ERC2: variants seen among roughly 807,000 people sequenced by gnomAD.
ERC2 encodes ELKS/RAB6-interacting/CAST family member 2.
In ERC2, 42 loss-of-function variants were observed where a neutral mutation model predicts 114.8. The ratio of observed to expected loss-of-function variants is 0.37; its 90% CI spans 0.29 to 0.47. ERC2 has a LOEUF of 0.47. Ranked by LOEUF, ERC2 falls within the 20% of genes least tolerant of loss-of-function variation. The probability of loss-of-function intolerance (pLI) is 0.99; values close to 1 mark genes in which losing one functional copy is unlikely to be tolerated. For missense variants in ERC2, 939 were observed against 1,150.7 expected (o/e 0.82, Z 2.66); for synonymous variants, 454 against 425.5 (o/e 1.07, Z -0.82).
At chr3:56,219,043 G>A (rs925400634) in intron 3 of ERC2, among the ~76,000 whole-genome samples, 2 of 152,072 alleles carry the variant, frequency 1.3e-5, no homozygotes, top group African/African-American at 2.4e-5. Flanking sequence ...TGTAAATGAC[G>A]AGTTAATGGG....
At chr3:56,204,528 G>T (rs201437162) in intron 3 of ERC2, among the ~76,000 whole-genome samples, 1 of 13,200 alleles carries the variant, frequency 7.6e-5, no homozygotes, top group African/African-American at 1.7e-4. Context: ...TTTTTGAGAC[G>T]GAATCTCACT....
At chr3:56,329,147 C>T (rs956254549) in intron 2 of ERC2, among the ~76,000 whole-genome samples, 2 of 152,126 alleles carry the variant, frequency 1.3e-5, no homozygotes, top group African/African-American at 4.8e-5. Context: ...AAATCTTTTG[C>T]AAATTACAAC....
chr3:55,775,809 C>T (rs147662592), intron 14 of ERC2, among the ~76,000 whole-genome samples: 8 of 152,118 alleles, frequency 5.3e-5, no homozygotes, highest in South Asian at 2.1e-4. Context: ...GAATCCAAAC[C>T]AACTTTTCCC....
chr3:56,152,382 G>C (rs1451153220), intron 4 of ERC2, among the ~76,000 whole-genome samples: 1 of 147,302 alleles, frequency 6.8e-6, no homozygotes, highest in Non-Finnish European at 1.5e-5. Flanking sequence ...TTCTTCAAGG[G>C]AAAACTTGCC....
Position 56,434,576 on chromosome 3 carries a change from G to C in ERC2, c.432C>G (p.Asp144Glu), listed in dbSNP as rs769720391. 6.2e-7 allele frequency: 1 copy of C among 1,613,954 alleles called. No homozygotes were observed. Among genetic ancestry groups the C allele is most frequent in the Non-Finnish European group, 8.5e-7 (1 of 1,179,894 alleles). ...QVPSMLRQVRDSTMLDLQAQL... is the reference protein window; with the variant it reads ...QVPSMLRQVRESTMLDLQAQL... ...GGGCCTGAAGATCTAACATTGTGCT[G>C]TCTCTTACCTGCCTCAACATGGAGG... The change falls in exon 2 of 18, where the codon GAC (aspartate) becomes GAG (glutamate). Residue 144 changes from aspartate to glutamate, a missense_variant. Physicochemically the swap from Asp to Glu is conservative, Grantham distance 45. Around this residue, in one of 5 missense-constraint regions of ERC2, gnomAD observed 281 missense variants for 307.4 expected, o/e 0.91. Coordinates refer to ENST00000288221, the MANE Select transcript of ERC2 (RefSeq NM_015576.3).
intron 14 of ERC2, among the ~76,000 whole-genome samples, chr3:55,781,128 T>C (rs115786626): frequency 0.019 from 2,839 of 152,294 alleles, 41 homozygotes; most frequent in Non-Finnish European, 0.031. Context: ...GAAGGCTGTC[T>C]CTGCTGCACT....
intron 13 of ERC2, among the ~76,000 whole-genome samples, chr3:55,923,726 C>T (rs2065576668): frequency 6.6e-6 from 1 of 152,140 alleles, no homozygotes; most frequent in Non-Finnish European, 1.5e-5. Flanking sequence ...AGAATCACAA[C>T]AATTCATGCC....
At chr3:56,340,329 G>T (rs1323392579) in intron 2 of ERC2, among the ~76,000 whole-genome samples, 1 of 151,930 alleles carries the variant, frequency 6.6e-6, no homozygotes, top group Non-Finnish European at 1.5e-5. Flanking sequence ...TAAAACACAG[G>T]CTTAAAAAAT....
intron 11 of ERC2, among the ~76,000 whole-genome samples, chr3:55,989,689 A>C (rs1445545254): frequency 1.3e-5 from 2 of 152,160 alleles, no homozygotes; most frequent in Admixed American, 1.3e-4. Flanking sequence ...GAAGTTACTT[A>C]ATCTGTATAA....
chr3:56,106,864 G>T (rs1484991584), intron 6 of ERC2, among the ~76,000 whole-genome samples: 1 of 152,172 alleles, frequency 6.6e-6, no homozygotes, highest in Admixed American at 6.5e-5. Flanking sequence ...ATGTTCTTTG[G>T]GATATAGAAG....
chr3:55,622,136 T>C (rs888602007), intron 17 of ERC2, among the ~76,000 whole-genome samples: 1 of 152,178 alleles, frequency 6.6e-6, no homozygotes, highest in African/African-American at 2.4e-5. Context: ...GACATAACTG[T>C]TTGAAAATCC....
At chr3:55,591,856 C>G (rs900237040) in intron 17 of ERC2, among the ~76,000 whole-genome samples, 2 of 152,154 alleles carry the variant, frequency 1.3e-5, no homozygotes, top group Non-Finnish European at 2.9e-5. Context: ...AGTAGGTAAC[C>G]CCGTTGGGGA....
intron 14 of ERC2, among the ~76,000 whole-genome samples, chr3:55,885,662 T>C (rs1296842162): frequency 2.0e-5 from 3 of 152,238 alleles, no homozygotes; most frequent in African/African-American, 7.2e-5. Flanking sequence ...GGAAAAAGTT[T>C]ATATGTTTTA....
chr3:55,868,904 C>A (rs1475163277), intron 14 of ERC2, among the ~76,000 whole-genome samples: 1 of 152,184 alleles, frequency 6.6e-6, no homozygotes, highest in African/African-American at 2.4e-5. Flanking sequence ...AAAAGCTTAA[C>A]TCCAAGCTGG....
intron 14 of ERC2, among the ~76,000 whole-genome samples, chr3:55,755,301 G>A (rs139358933): frequency 6.6e-6 from 1 of 152,116 alleles, no homozygotes; most frequent in African/African-American, 2.4e-5. Flanking sequence ...GAATGACCGA[G>A]AGGCACAGGT....
intron 12 of ERC2, among the ~76,000 whole-genome samples, chr3:55,957,185 C>T (rs554766177): frequency 6.6e-6 from 1 of 152,042 alleles, no homozygotes; most frequent in Admixed American, 6.5e-5. Context: ...CATCAGGCCC[C>T]ACTAGCAAAA....
intron 6 of ERC2, among the ~76,000 whole-genome samples, chr3:56,128,737 C>T (rs2080034113): frequency 1.3e-5 from 2 of 152,168 alleles, no homozygotes; most frequent in African/African-American, 4.8e-5. Context: ...CTTAGAAGAG[C>T]TGTCAAAGAC....
At chr3:55,968,555 C>T (rs75827151) in intron 12 of ERC2, among the ~76,000 whole-genome samples, 4,987 of 152,162 alleles carry the variant, frequency 0.033, 154 homozygotes, top group Middle Eastern at 0.082. Context: ...TTCTCCAGGC[C>T]GTCAAAAACA....
intron 17 of ERC2, among the ~76,000 whole-genome samples, chr3:55,609,704 G>A (rs2058804882): frequency 6.6e-6 from 1 of 152,102 alleles, no homozygotes; most frequent in Non-Finnish European, 1.5e-5. Context: ...CCTCCTGCTT[G>A]CGACAGTTAA....
Sources: gnomAD v4.1 joint callset for allele counts (sites outside exome capture counted in the v4.1 genomes callset) on GRCh38, gnomAD v4.1.1 for gene constraint, gnomAD v4.1.1 regional missense constraint, MANE v1.5 for transcripts, NCBI Gene and HGNC (gene_info 2026-07-23, HGNC 2026-07-21) for gene names.